CCDC149: variants seen among roughly 807,000 people sequenced by gnomAD.
CCDC149 encodes the protein coiled-coil domain containing 149.
A neutral mutation model predicts 59.9 loss-of-function variants in CCDC149; 45 were observed. The ratio of observed to expected loss-of-function variants is 0.75; its 90% CI spans 0.59 to 0.96. The LOEUF (loss-of-function observed/expected upper bound fraction) is 0.96. Among genes scored for constraint, CCDC149 ranks in the 40% least tolerant of loss-of-function variants. The pLI is 0.00. For synonymous variants in CCDC149, 245 were observed against 260.6 expected, an observed-to-expected ratio of 0.94 and a Z score of 0.58; for missense variants, 584 against 664.7, an observed-to-expected ratio of 0.88 and a Z score of 1.33.
chr4:24,879,517 CAA>C (rs34213743), intron 1 of CCDC149, among the ~76,000 whole-genome samples: 103 of 115,886 alleles, frequency 8.9e-4, no homozygotes, highest in East Asian at 1.3e-3. Flanking sequence ...ACTCTTGTCT[CAA>C]AAAAAAAAAA....
intron 12 of CCDC149, among the ~76,000 whole-genome samples, chr4:24,814,837 C>G (rs1376020574): frequency 6.6e-6 from 1 of 152,172 alleles, no homozygotes; most frequent in Non-Finnish European, 1.5e-5. Flanking sequence ...TCCCTCTACT[C>G]CAGCCACACT....
chr4:24,916,824 G>A (rs911583933), upstream of CCDC149, among the ~76,000 whole-genome samples: 61 of 148,406 alleles, frequency 4.1e-4, no homozygotes, highest in African/African-American at 1.5e-3. Context: ...GTGTGTGTGT[G>A]TACATATATT....
chr4:24,884,350 C>T (rs933351278), intron 1 of CCDC149, among the ~76,000 whole-genome samples: 1 of 152,178 alleles, frequency 6.6e-6, no homozygotes, highest in Non-Finnish European at 1.5e-5. Context: ...CAAGCCATAC[C>T]ATGTAGCCTC....
chr4:24,820,156 A>C, intron 11 of CCDC149, 181 bp from the exon 12 acceptor site: 1 of 545,206 alleles, frequency 1.8e-6, no homozygotes. Context: ...CCTAGCCCTA[A>C]CCCTTGCACA....
At chr4:24,927,523 T>A (rs1309327841) in intron 1 of CCDC149, among the ~76,000 whole-genome samples, 1 of 152,240 alleles carries the variant, frequency 6.6e-6, no homozygotes, top group Non-Finnish European at 1.5e-5. Context: ...GACTCAAACT[T>A]CTGTAAATGT....
chr4:24,814,940 G>A (rs943303207), intron 12 of CCDC149, among the ~76,000 whole-genome samples: 2 of 152,150 alleles, frequency 1.3e-5, no homozygotes, highest in Non-Finnish European at 2.9e-5. Context: ...ATGTCCCAGG[G>A]ATGAACTTCA....
At chr4:24,864,808 G>T (rs1718599196) in intron 3 of CCDC149, among the ~76,000 whole-genome samples, 1 of 152,138 alleles carries the variant, frequency 6.6e-6, no homozygotes, top group African/African-American at 2.4e-5. Context: ...CCACTTATGT[G>T]TGCATTTTTT....
chr4:24,926,126 G>A (rs1722428543), intron 1 of CCDC149, among the ~76,000 whole-genome samples: 1 of 152,160 alleles, frequency 6.6e-6, no homozygotes, highest in Non-Finnish European at 1.5e-5. Flanking sequence ...AACCCGGGAG[G>A]TGGAGATTAC....
chr4:24,925,429 C>G (rs1034511672), intron 1 of CCDC149, among the ~76,000 whole-genome samples: 2 of 152,140 alleles, frequency 1.3e-5, no homozygotes, highest in Admixed American at 6.5e-5. Flanking sequence ...CAAAAGAATT[C>G]TTTTCATCTC....
chr4:24,959,348 T>A (rs530808968), intron 1 of CCDC149, among the ~76,000 whole-genome samples: 1 of 152,282 alleles, frequency 6.6e-6, no homozygotes, highest in South Asian at 2.1e-4. Flanking sequence ...CCCTAACATC[T>A]AACTCAGTTC....
At chr4:24,961,166 C>G (rs1263315202) in intron 1 of CCDC149, among the ~76,000 whole-genome samples, 2 of 152,108 alleles carry the variant, frequency 1.3e-5, no homozygotes, top group East Asian at 3.9e-4. Flanking sequence ...TTGGAAGATG[C>G]TGAAGGACAG....
intron 1 of CCDC149, among the ~76,000 whole-genome samples, chr4:24,886,495 C>A (rs1720185449): frequency 1.3e-5 from 2 of 152,246 alleles, no homozygotes; most frequent in African/African-American, 4.8e-5. Context: ...TGTACACAGA[C>A]TGTATCCAGT....
intron 1 of CCDC149, among the ~76,000 whole-genome samples, chr4:24,902,036 T>C (rs559469666): frequency 1.3e-5 from 2 of 152,334 alleles, no homozygotes; most frequent in South Asian, 4.1e-4. Flanking sequence ...TAAGGTTACA[T>C]ATGGTCCCTA....
intron 1 of CCDC149, among the ~76,000 whole-genome samples, chr4:24,954,231 C>T (rs981218513): frequency 6.6e-6 from 1 of 152,242 alleles, no homozygotes; most frequent in African/African-American, 2.4e-5. Flanking sequence ...CAAGACAGCC[C>T]TGCCCCCATG....
intron 10 of CCDC149, 84 bp downstream of exon 10, chr4:24,822,413 A>G (rs1715464910): frequency 1.2e-6 from 1 of 803,628 alleles, no homozygotes; most frequent in Non-Finnish European, 1.9e-6. Context: ...GAGGTAGAAG[A>G]CTCTTGTAAA....
At chr4:24,895,676 T>C (rs1037247163) in intron 1 of CCDC149, among the ~76,000 whole-genome samples, 1 of 152,168 alleles carries the variant, frequency 6.6e-6, no homozygotes, top group Non-Finnish European at 1.5e-5. Flanking sequence ...GGAAATTCTT[T>C]ACAATGGGCA....
chr4:24,866,096 A>G (rs1486616318), intron 3 of CCDC149, among the ~76,000 whole-genome samples: 1 of 152,220 alleles, frequency 6.6e-6, no homozygotes, highest in Non-Finnish European at 1.5e-5. Context: ...TTGCAGTCAC[A>G]GGAGACTAAA....
chr4:24,954,801 T>C (rs906746136), intron 1 of CCDC149, among the ~76,000 whole-genome samples: 6 of 152,218 alleles, frequency 3.9e-5, no homozygotes, highest in Non-Finnish European at 7.3e-5. Context: ...TCCCACTGTC[T>C]TGATGAATAG....
intron 1 of CCDC149, among the ~76,000 whole-genome samples, chr4:24,910,143 G>A (rs1018017241): frequency 6.6e-6 from 1 of 152,182 alleles, no homozygotes; most frequent in Admixed American, 6.5e-5. Flanking sequence ...GCTTCTGGGA[G>A]CTGCCAGCGA....
Sources: gnomAD v4.1 joint callset for allele counts (sites outside exome capture counted in the v4.1 genomes callset) on GRCh38, gnomAD v4.1.1 for gene constraint, MANE v1.5 for transcripts, NCBI Gene and HGNC (gene_info 2026-07-23, HGNC 2026-07-21) for gene names.